Variants in RYR3 observed in about 807,000 individuals in gnomAD.
The protein encoded by RYR3 is ryanodine receptor 3.
In RYR3, 207 loss-of-function variants were observed where a neutral mutation model predicts 584.3. That is an observed-to-expected ratio of 0.35 (90% CI 0.32 to 0.40). RYR3 has a LOEUF of 0.40. Ranked by LOEUF, RYR3 falls within the 10% of genes least tolerant of loss-of-function variation. RYR3 has a pLI of 1.00. For missense variants in RYR3, 5,616 were observed against 6,089.2 expected, an observed-to-expected ratio of 0.92 and a Z score of 2.59; for synonymous variants, 2,416 against 2,248.5, an observed-to-expected ratio of 1.07 and a Z score of -2.11.
intron 16 of RYR3, among the ~76,000 whole-genome samples, chr15:33,596,502 G>C (rs200678516): frequency 2.7e-5 from 4 of 146,048 alleles, no homozygotes; most frequent in African/African-American, 1.0e-4. Flanking sequence ...TTTTGGGGGG[G>C]GGGGATTTCT....
chr15:33,482,565 G>A (rs774989552), intron 2 of RYR3, among the ~76,000 whole-genome samples: 17 of 152,126 alleles, frequency 1.1e-4, no homozygotes, highest in Non-Finnish European at 1.8e-4. Flanking sequence ...GATTACAGGC[G>A]CAAGCCACCA....
At chr15:33,353,724 A>G (rs1973581200) in intron 1 of RYR3, among the ~76,000 whole-genome samples, 1 of 152,162 alleles carries the variant, frequency 6.6e-6, no homozygotes, top group Admixed American at 6.5e-5. Context: ...ATTCTGTGAA[A>G]TACTCCTGCG....
At chr15:33,552,367 C>T (rs1595558812) in intron 10 of RYR3, among the ~76,000 whole-genome samples, 1 of 152,268 alleles carries the variant, frequency 6.6e-6, no homozygotes, top group East Asian at 1.9e-4. Context: ...GTCCATTGCT[C>T]ATCTCCCCAA....
chr15:33,348,798 A>G (rs529781699), intron 1 of RYR3, among the ~76,000 whole-genome samples: 2 of 152,060 alleles, frequency 1.3e-5, no homozygotes, highest in South Asian at 2.1e-4. Context: ...AAAAAATTGC[A>G]TGCATTAAGT....
At chr15:33,716,459 AG>A (rs2152801176) in intron 43 of RYR3, among the ~76,000 whole-genome samples, 1 of 152,336 alleles carries the variant, frequency 6.6e-6, no homozygotes, top group Non-Finnish European at 1.5e-5. Context: ...AGACAGGTAA[AG>A]GGCTTCTAGT....
chr15:33,748,028 G>T, intron 53 of RYR3, 86 bp from the exon 54 acceptor site: 1 of 1,309,084 alleles, frequency 7.6e-7, no homozygotes. Flanking sequence ...CCCACCCACA[G>T]TGGGATGCAC....
intron 5 of RYR3, among the ~76,000 whole-genome samples, chr15:33,534,079 A>C (rs1471666517): frequency 6.6e-6 from 1 of 152,230 alleles, no homozygotes; most frequent in Non-Finnish European, 1.5e-5. Flanking sequence ...GTAAAACTTT[A>C]TTTGAAAGCA....
chr15:33,429,422 T>C (rs143886222), intron 1 of RYR3, among the ~76,000 whole-genome samples: 2 of 152,356 alleles, frequency 1.3e-5, no homozygotes, highest in African/African-American at 4.8e-5. Flanking sequence ...AGAAAGATTT[T>C]AAAATCTGAG....
At chr15:33,784,726 G>A (rs972396056) in intron 65 of RYR3, among the ~76,000 whole-genome samples, 4 of 152,230 alleles carry the variant, frequency 2.6e-5, no homozygotes, top group South Asian at 2.1e-4. Context: ...AATTGTCCAC[G>A]TCCCTCCACT....
chr15:33,663,564 G>A lies in RYR3; in HGVS notation c.5446G>A (p.Asp1816Asn), dbSNP rs765473326. The A allele has an allele frequency of 8.1e-6, 13 of 1,613,784 alleles. No homozygotes were observed. Among genetic ancestry groups the A allele is most frequent in the Middle Eastern group, 3.3e-4 (2 of 6,044 alleles). ...QMCELLSYLC[D>N]CELQHRVEAI... ...GTGTGAGCTCCTCAGCTATCTCTGC[G>A]ACTGTGAGCTGCAGCACCGAGTGGA... Residue 1816 changes from aspartate (D) to asparagine (N), a missense_variant, in exon 36 of 104, where the codon GAC becomes AAC. Transcript: ENST00000634891.
Position 33,444,930 on chromosome 15 carries a change from C to CCCCTGTG in RYR3, c.52-28483_52-28477dup, listed in dbSNP as rs565885040. ...AAAAAAAAAAAGCTGGAGTGCGCGG[C>CCCCTGTG]CCCTGTGCCCTGAAGGGAGAATGCT... On this transcript the variant is annotated intron_variant, in intron 1 of 103. Transcript: ENST00000634891. 2.9e-3 allele frequency among the ~76,000 whole-genome samples: 442 copies of CCCCTGTG among 151,692 alleles called. 2 individuals carry two copies. The highest frequency in any genetic ancestry group is 0.01 in the African/African-American group (417 of 41,370).
At chr15:33,666,650 AAAC>A (rs2152714582) in intron 36 of RYR3, among the ~76,000 whole-genome samples, 1 of 152,362 alleles carries the variant, frequency 6.6e-6, no homozygotes, top group South Asian at 2.1e-4. Flanking sequence ...TTTGAAGAGA[AAAC>A]AGATTTTTAA....
At chr15:33,402,699 C>T (rs1282273160) in intron 1 of RYR3, among the ~76,000 whole-genome samples, 2 of 152,216 alleles carry the variant, frequency 1.3e-5, no homozygotes, top group African/African-American at 4.8e-5. Flanking sequence ...AGACTAAGAG[C>T]ATGTCAGTGA....
chr15:33,444,337 A>G (rs2046449520), intron 1 of RYR3, among the ~76,000 whole-genome samples: 1 of 152,180 alleles, frequency 6.6e-6, no homozygotes. Context: ...CCAAAGGTTT[A>G]AGAAATATTT....
At chr15:33,698,260 G>A (rs1157454235) in intron 40 of RYR3, among the ~76,000 whole-genome samples, 2 of 152,144 alleles carry the variant, frequency 1.3e-5, no homozygotes, top group East Asian at 3.9e-4. Context: ...TCCCGTATTC[G>A]GCAGCCCTGC....
At chr15:33,701,676 C>G (rs1039374450) in intron 42 of RYR3, among the ~76,000 whole-genome samples, 5 of 151,770 alleles carry the variant, frequency 3.3e-5, no homozygotes, top group Admixed American at 6.6e-5. Flanking sequence ...GGGACGTGGG[C>G]AAGTCAAAGA....
intron 18 of RYR3, among the ~76,000 whole-genome samples, chr15:33,605,901 C>G (rs1457729013): frequency 6.6e-6 from 1 of 152,104 alleles, no homozygotes; most frequent in Admixed American, 6.6e-5. Context: ...AGAAAGTGGT[C>G]GTGATAAATT....
chr15:33,477,114 A>G (rs1176498406), intron 2 of RYR3, among the ~76,000 whole-genome samples: 4 of 152,156 alleles, frequency 2.6e-5, no homozygotes, highest in Non-Finnish European at 5.9e-5. Context: ...CAAGCTTGGC[A>G]CTGGGCATGA....
chr15:33,763,916 A>T (rs1385812384), intron 60 of RYR3, among the ~76,000 whole-genome samples: 1 of 124,312 alleles, frequency 8.0e-6, no homozygotes, highest in African/African-American at 3.3e-5. Context: ...AAAAAAAAAA[A>T]TCAGGAAACA....
Sources: gnomAD v4.1 joint callset for allele counts (sites outside exome capture counted in the v4.1 genomes callset) on GRCh38, gnomAD v4.1.1 for gene constraint, MANE v1.5 for transcripts, NCBI Gene and HGNC (gene_info 2026-07-23, HGNC 2026-07-21) for gene names.